The following SETBP1 variants were observed in gnomAD, a reference collection of about 807,000 sequenced individuals.
SETBP1 encodes the protein SET binding protein 1.
A neutral mutation model predicts 101.0 loss-of-function variants in SETBP1; 9 were observed. The ratio of observed to expected loss-of-function variants is 0.09; its 90% confidence interval spans 0.05 to 0.16. The LOEUF (loss-of-function observed/expected upper bound fraction) is 0.16. Among genes scored for constraint, SETBP1 ranks in the 10% least tolerant of loss-of-function variants. The pLI, the probability that SETBP1 is intolerant of heterozygous loss-of-function variation, is 1.00. For synonymous variants in SETBP1, 818 were observed against 788.5 expected, an observed-to-expected ratio of 1.04 and a Z score of -0.63; for missense variants, 1,858 against 2,033.8, an observed-to-expected ratio of 0.91 and a Z score of 1.66.
At chr18:44,694,326 C>T (rs561015765) in intron 1 of SETBP1, among the ~76,000 whole-genome samples, 8 of 152,272 alleles carry the variant, frequency 5.3e-5, no homozygotes, top group Non-Finnish European at 1.2e-4. Context: ...ATTCTTCTGC[C>T]TCAGCCTCCT....
chr18:44,786,851 A>G (rs1373576842), intron 2 of SETBP1, among the ~76,000 whole-genome samples: 1 of 152,164 alleles, frequency 6.6e-6, no homozygotes, highest in Non-Finnish European at 1.5e-5. Context: ...TACTAAAGCA[A>G]TTGAGTTTGT....
intron 5 of SETBP1, among the ~76,000 whole-genome samples, chr18:45,057,161 C>T (rs571886607): frequency 6.6e-6 from 1 of 152,150 alleles, no homozygotes; most frequent in East Asian, 1.9e-4. Flanking sequence ...TCAGATGCCC[C>T]CTACCTTGCA....
At chr18:45,036,949 G>A (rs1216218601) in intron 4 of SETBP1, among the ~76,000 whole-genome samples, 1 of 152,170 alleles carries the variant, frequency 6.6e-6, no homozygotes, top group Non-Finnish European at 1.5e-5. Flanking sequence ...GTGAGTTCAG[G>A]TCTCCTTTAA....
chr18:44,701,760 C>A lies in SETBP1; in HGVS notation c.414C>A (p.Asp138Glu). ...AGATCACCATCAAGCAGTCTGGGGA[C>A]CAGAAGGTGTCCCGTGCTGGAAAAA... The part of the protein sequence containing the change: ...EIKITIKQSG[D>E]QKVSRAGKNS... The change falls in exon 2 of 6, where the codon GAC becomes GAA. Residue 138 changes from aspartate (D) to glutamate (E), a missense_variant. Physicochemically the swap from Asp to Glu is conservative, Grantham distance 45 (BLOSUM62 2). Around this residue, in one of 12 missense-constraint regions of SETBP1, gnomAD observed 581 missense variants for 535.1 expected, o/e 1.09. Transcript: ENST00000649279. The A allele has an allele frequency of 6.2e-7, 1 of 1,614,012 alleles. No homozygotes were observed. Among genetic ancestry groups the A allele is most frequent in the South Asian group, 1.1e-5 (1 of 91,078 alleles).
At chr18:45,000,135 T>A (rs1333686091) in intron 4 of SETBP1, among the ~76,000 whole-genome samples, 3 of 152,202 alleles carry the variant, frequency 2.0e-5, no homozygotes, top group African/African-American at 7.2e-5. Flanking sequence ...AATCAGGTGA[T>A]GTTTAAGAGG....
chr18:44,866,259 A>G (rs1300011819), intron 2 of SETBP1, among the ~76,000 whole-genome samples: 1 of 152,188 alleles, frequency 6.6e-6, no homozygotes, highest in Non-Finnish European at 1.5e-5. Context: ...CAAATATTTG[A>G]GTGCCTCCTT....
chr18:44,918,854 T>C (rs1282974131), intron 3 of SETBP1, among the ~76,000 whole-genome samples: 2 of 152,250 alleles, frequency 1.3e-5, no homozygotes, highest in African/African-American at 4.8e-5. Flanking sequence ...ACCCCACAAA[T>C]GACAGTTCAA....
intron 4 of SETBP1, among the ~76,000 whole-genome samples, chr18:44,984,240 T>C (rs923867672): frequency 1.3e-5 from 2 of 152,158 alleles, no homozygotes; most frequent in Non-Finnish European, 2.9e-5. Context: ...TCAACTTTTT[T>C]AGTGCTAGGG....
At chr18:44,802,252 C>T (rs1205722532) in intron 2 of SETBP1, among the ~76,000 whole-genome samples, 1 of 152,120 alleles carries the variant, frequency 6.6e-6, no homozygotes, top group Non-Finnish European at 1.5e-5. Flanking sequence ...AGTTTCTGCT[C>T]ACCTTTCCTA....
At chr18:44,925,164 A>T (rs2070677657) in intron 3 of SETBP1, among the ~76,000 whole-genome samples, 1 of 151,584 alleles carries the variant, frequency 6.6e-6, no homozygotes, top group Non-Finnish European at 1.5e-5. Flanking sequence ...TGAGGCAGTA[A>T]CCATAAAGCT....
Position 45,063,277 on chromosome 18 carries a change from C to G in SETBP1, c.4370C>G (p.Pro1457Arg). The G allele has an allele frequency of 6.2e-7, 1 of 1,610,634 alleles. No individual in the cohort carries two copies. The change falls in exon 6 of 6, where the codon CCC becomes CGC. Residue 1457 changes from proline (P) to arginine (R), a missense_variant. By Grantham distance (103) the Pro-to-Arg change is moderately radical. Transcript: ENST00000649279. Reference protein sequence around the residue: ...NNFVKKRRGRPRKQPTQFDED... With the variant: ...NNFVKKRRGRRRKQPTQFDED... ...TTCGTGAAGAAGAGGCGCGGGCGTC[C>G]CAGGAAGCAGCCCACCCAGTTCGAT...
chr18:45,063,114 G>C lies in SETBP1; in HGVS notation c.4207G>C (p.Glu1403Gln), dbSNP rs766837961. ...CCTGAAGAAGAGGTTCAAGCGGCGGGAGATCGAAGCCATCCAGTGCGAAGT... is the reference window on the plus strand; with the variant it reads ...CCTGAAGAAGAGGTTCAAGCGGCGGCAGATCGAAGCCATCCAGTGCGAAGT... ...SSLKKRFKRR[E>Q]IEAIQCEVRK... The change falls in exon 6 of 6, where the codon GAG becomes CAG. Residue 1403 changes from glutamate (E) to glutamine (Q), a missense_variant. Glu to Gln is a conservative substitution (Grantham distance 29). Coordinates refer to ENST00000649279, the MANE Select transcript of SETBP1 (RefSeq NM_015559.3). 1.2e-5 allele frequency: 20 copies of C among 1,613,960 alleles called. No individual in the cohort carries two copies. Among genetic ancestry groups the C allele is most frequent in the Non-Finnish European group, 1.7e-5 (20 of 1,180,002 alleles).
At chr18:45,021,703 G>A (rs1177160320) in intron 4 of SETBP1, among the ~76,000 whole-genome samples, 3 of 152,150 alleles carry the variant, frequency 2.0e-5, no homozygotes, top group East Asian at 1.9e-4. Context: ...ACACTAGAGA[G>A]GGAGGGTCTT....
intron 2 of SETBP1, among the ~76,000 whole-genome samples, chr18:44,738,791 A>G (rs972461887): frequency 2.6e-4 from 39 of 151,278 alleles, no homozygotes; most frequent in African/African-American, 9.4e-4. Flanking sequence ...AAAAAAAAAA[A>G]GAAAAAAGGA....
At chr18:44,945,446 T>C (rs2071184610) in intron 3 of SETBP1, among the ~76,000 whole-genome samples, 2 of 152,204 alleles carry the variant, frequency 1.3e-5, no homozygotes, top group African/African-American at 4.8e-5. Context: ...TGCCTAGTGT[T>C]TTCAGAGTTT....
intron 2 of SETBP1, among the ~76,000 whole-genome samples, chr18:44,812,039 C>A (rs1027355823): frequency 5.3e-5 from 8 of 152,166 alleles, no homozygotes; most frequent in Non-Finnish European, 8.8e-5. Flanking sequence ...GCAGCTGCCC[C>A]ATCAACATAC....
At chr18:44,795,004 C>A (rs773757492) in intron 2 of SETBP1, among the ~76,000 whole-genome samples, 20 of 152,158 alleles carry the variant, frequency 1.3e-4, no homozygotes, top group Non-Finnish European at 2.6e-4. Context: ...AGGCCCTCCC[C>A]TCTAGTTTCA....
intron 2 of SETBP1, among the ~76,000 whole-genome samples, chr18:44,858,506 G>A (rs972585729): frequency 1.3e-5 from 2 of 152,210 alleles, no homozygotes; most frequent in Admixed American, 1.3e-4. Flanking sequence ...TAATGTCTTT[G>A]AAAATACTCA....
At chr18:44,869,163 G>A (rs2069209910) in intron 2 of SETBP1, 67 bp from the exon 3 acceptor site, 2 of 1,401,670 alleles carry the variant, frequency 1.4e-6, no homozygotes, top group Non-Finnish European at 2.0e-6. Context: ...TTGCTGGTCA[G>A]TTGTCGTGGG....
Sources: gnomAD v4.1 joint callset for allele counts (sites outside exome capture counted in the v4.1 genomes callset) on GRCh38, gnomAD v4.1.1 for gene constraint, gnomAD v4.1.1 regional missense constraint, MANE v1.5 for transcripts, NCBI Gene and HGNC (gene_info 2026-07-23, HGNC 2026-07-21) for gene names.